Variants in ENTPD3 observed in about 807,000 individuals in gnomAD.
ENTPD3 encodes the protein ectonucleoside triphosphate diphosphohydrolase 3.
In ENTPD3, 60 loss-of-function variants were observed where a neutral mutation model predicts 51.2. The observed-to-expected ratio is 1.17, with a 90% CI of 0.95 to 1.45. The LOEUF is 1.45. ENTPD3 is among the 40% of genes most tolerant of loss of function. The probability of loss-of-function intolerance (pLI) is 0.00; values close to 1 mark genes in which losing one functional copy is unlikely to be tolerated. For synonymous variants in ENTPD3, 221 were observed against 238.4 expected, an observed-to-expected ratio of 0.93 and a Z score of 0.67; for missense variants, 593 against 641.1, an observed-to-expected ratio of 0.93 and a Z score of 0.81.
intron 5 of ENTPD3, among the ~76,000 whole-genome samples, chr3:40,413,201 T>G (rs1417737410): frequency 6.6e-6 from 1 of 152,214 alleles, no homozygotes; most frequent in Non-Finnish European, 1.5e-5. Flanking sequence ...GGAGACTGAA[T>G]GCTTAGAGCT....
At chr3:40,403,399 T>G (rs1053303339) in intron 4 of ENTPD3, among the ~76,000 whole-genome samples, 1 of 152,162 alleles carries the variant, frequency 6.6e-6, no homozygotes, top group African/African-American at 2.4e-5. Flanking sequence ...TCAGGCCTGA[T>G]GAAGCTTCAG....
chr3:40,403,342 T>C (rs909229757), intron 4 of ENTPD3, among the ~76,000 whole-genome samples: 1 of 152,142 alleles, frequency 6.6e-6, no homozygotes, highest in Non-Finnish European at 1.5e-5. Flanking sequence ...TAGCAGAAAG[T>C]GGGCAGAGAG....
At chr3:40,402,669 T>C (rs1311460423) in intron 4 of ENTPD3, among the ~76,000 whole-genome samples, 1 of 152,200 alleles carries the variant, frequency 6.6e-6, no homozygotes, top group Non-Finnish European at 1.5e-5. Context: ...GTAGTTTGTC[T>C]TTTTAGTTTC....
At chr3:40,394,221 T>A (rs999086681) in intron 3 of ENTPD3, 6 of 205,858 alleles carry the variant, frequency 2.9e-5, no homozygotes, top group Non-Finnish European at 6.3e-5. Flanking sequence ...TTCAAGTGAT[T>A]CTACTGCCTC....
intron 9 of ENTPD3, 136 bp downstream of exon 9, chr3:40,423,537 A>G: frequency 1.4e-6 from 1 of 737,292 alleles, no homozygotes; most frequent in Non-Finnish European, 2.2e-6. Flanking sequence ...GAATAAGGGA[A>G]TCTACTCCCA....
At chr3:40,423,799 G>A in intron 9 of ENTPD3, 27 bp from the exon 10 acceptor site, 1 of 1,610,174 alleles carries the variant, frequency 6.2e-7, no homozygotes, top group South Asian at 1.1e-5. Flanking sequence ...TGCCTGCCCT[G>A]CCTCTCAGAT....
At position 40,411,820 on chromosome 3, in the gene ENTPD3, ATC is replaced by A; in HGVS notation, c.298_299del (p.Ser100GlnfsTer5). 6.3e-7 allele frequency: 1 copy of A among 1,575,242 alleles called. No individual in the cohort carries two copies. The highest frequency in any genetic ancestry group is 8.6e-7 in the Non-Finnish European group (1 of 1,160,802). On this transcript the variant is annotated frameshift_variant, in exon 5 of 11. Transcript: ENST00000301825. LOFTEE classifies it high-confidence loss of function. ...GACTGCTTGCTTTTCAGGCTCTGGA[ATC>A]TCCAGCTATGGAAATAACCCCCAAG... ...TFKCSVKGSG[I>X]SSYGNNPQDV...
chr3:40,414,781 CAAG>C lies in ENTPD3; in HGVS notation c.545_547del (p.Glu182del), dbSNP rs766864928. 35 of 1,613,784 alleles carry C rather than the reference CAAG, an allele frequency of 2.2e-5. No homozygotes were observed. In the Admixed American group the frequency reaches 3.8e-4, roughly 18 times the overall value. Reference sequence around the variant, plus strand: ...TAGGGGTGCTCAAATCATTTCTGGGCAAGAAGAAGGGGTATATGGATGGATTAC... The same window carrying C: ...TAGGGGTGCTCAAATCATTTCTGGGCAAGAAGGGGTATATGGATGGATTAC... On this transcript the variant is annotated inframe_deletion, in exon 6 of 11. Coordinates refer to ENST00000301825, the MANE Select transcript of ENTPD3 (RefSeq NM_001248.4).
rs1954977315 is a variant in ENTPD3, at chr3:40,388,055, A to G, written c.-3A>G. The stretch of plus-strand genomic sequence containing the variant: ...ATTCTCTCACCTGCAGCTAGGAGAA[A>G]AGATGTTCACTGTGCTGACCCGCCA... On this transcript the variant is annotated 5_prime_UTR_variant, in exon 2 of 11. Coordinates refer to ENST00000301825, the MANE Select transcript of ENTPD3 (RefSeq NM_001248.4). 6.2e-7 allele frequency: 1 copy of G among 1,613,890 alleles called. No homozygotes were observed.
Position 40,388,054 on chromosome 3 carries a change from A to G in ENTPD3, c.-4A>G. On this transcript the variant is annotated 5_prime_UTR_variant, in exon 2 of 11. Transcript: ENST00000301825. ...TATTCTCTCACCTGCAGCTAGGAGA[A>G]AAGATGTTCACTGTGCTGACCCGCC... is the stretch of plus-strand genomic sequence containing the variant. 6.2e-7 allele frequency: 1 copy of G among 1,613,966 alleles called. No homozygotes were observed. Among genetic ancestry groups the G allele is most frequent in the Non-Finnish European group, 8.5e-7 (1 of 1,179,854 alleles).
chr3:40,427,809 G>A lies in ENTPD3; in HGVS notation c.*301G>A, dbSNP rs1371629101. ...AAGTTCCCCAGAGGAAGAGTAAGTT[G>A]AGAAGGTATCAGTTTAATGTTGAAG... On this transcript the variant is annotated 3_prime_UTR_variant, in exon 11 of 11. Coordinates refer to ENST00000301825, the MANE Select transcript of ENTPD3 (RefSeq NM_001248.4). The A allele has an allele frequency of 2.5e-6, 1 of 396,470 alleles. No individual in the cohort carries two copies. The highest frequency in any genetic ancestry group is 4.6e-6 in the Non-Finnish European group (1 of 215,566). The allele number at this position is 396,470 out of a possible 1,614,324, so 24.6% of individuals were successfully genotyped here. A position where few individuals can be genotyped will look rare whatever the true frequency, so the allele number is the denominator to read the frequency against.
chr3:40,402,874 A>C (rs1221285066), intron 4 of ENTPD3, among the ~76,000 whole-genome samples: 1 of 152,220 alleles, frequency 6.6e-6, no homozygotes, highest in Non-Finnish European at 1.5e-5. Context: ...CAAGTAATTG[A>C]GCCTAGTTAG....
intron 10 of ENTPD3, among the ~76,000 whole-genome samples, chr3:40,425,529 TA>T (rs1955964382): frequency 6.6e-6 from 1 of 151,942 alleles, no homozygotes; most frequent in Admixed American, 6.6e-5. Context: ...AGTAATAAAA[TA>T]AGAAGAGAAA....
chr3:40,417,403 T>C (rs1391617371), intron 7 of ENTPD3, among the ~76,000 whole-genome samples: 1 of 152,156 alleles, frequency 6.6e-6, no homozygotes, highest in Non-Finnish European at 1.5e-5. Flanking sequence ...CCTTCTTACA[T>C]GGGGGAATAG....
At position 40,416,087 on chromosome 3, in the gene ENTPD3, G is replaced by A. The variant is rs767529366; in HGVS notation, c.831+14G>A. On this transcript the variant is annotated intron_variant, in intron 7 of 10. Coordinates refer to ENST00000301825, the MANE Select transcript of ENTPD3 (RefSeq NM_001248.4). ...ATGCTCCTGCAGGTACTTGAGTCGG[G>A]GGTAGGGGGTGGCAGGTGTTCTCTT... 8.7e-6 allele frequency: 14 copies of A among 1,601,812 alleles called. No homozygotes were observed. The Admixed American group carries it at 1.8e-4, about 21-fold the overall frequency.
At position 40,397,900 on chromosome 3, in the gene ENTPD3, G is replaced by C. The variant is rs149965456; in HGVS notation, c.169-2994G>C. 9.6e-3 allele frequency among the ~76,000 whole-genome samples: 1,468 copies of C among 152,268 alleles called. 8 individuals carry two copies. The highest frequency in any genetic ancestry group is 0.017 in the Non-Finnish European group (1,169 of 68,030). ...TTTTCTGACACTGCATTAGACAGAG[G>C]ATTACTTACTACTTTTTATCCGAAC... On this transcript the variant is annotated intron_variant, in intron 3 of 10. Transcript: ENST00000301825.
intron 4 of ENTPD3, among the ~76,000 whole-genome samples, chr3:40,404,447 C>T (rs1955445731): frequency 6.6e-6 from 1 of 152,138 alleles, no homozygotes; most frequent in Admixed American, 6.5e-5. Flanking sequence ...CCCAGGAGGG[C>T]AATTCAACCA....
At chr3:40,416,512 T>C (rs1955750884) in intron 7 of ENTPD3, among the ~76,000 whole-genome samples, 1 of 152,200 alleles carries the variant, frequency 6.6e-6, no homozygotes, top group Non-Finnish European at 1.5e-5. Flanking sequence ...AGCCTCCTTT[T>C]AGATGGGTCT....
At chr3:40,416,148 TG>T in intron 7 of ENTPD3, 75 bp downstream of exon 7, 5 of 1,066,488 alleles carry the variant, frequency 4.7e-6, no homozygotes, top group East Asian at 2.5e-5. Flanking sequence ...CCCTGCCTTC[TG>T]GGGTCTGTCC....
Sources: allele counts gnomAD v4.1 joint callset (sites outside exome capture counted in the v4.1 genomes callset), GRCh38; gene constraint gnomAD v4.1.1; transcripts MANE v1.5; gene names NCBI Gene and HGNC (gene_info 2026-07-23, HGNC 2026-07-21).